Variants in LRRC69 observed in about 807,000 individuals in gnomAD.
The protein encoded by LRRC69 is leucine-rich repeat-containing protein 69.
A neutral mutation model predicts 37.8 loss-of-function variants in LRRC69; 42 were observed. The ratio of observed to expected loss-of-function variants is 1.11; its 90% CI spans 0.87 to 1.44. LRRC69 has a LOEUF of 1.44. LRRC69 is among the 40% of genes most tolerant of loss of function. The pLI, the probability that LRRC69 is intolerant of heterozygous loss-of-function variation, is 0.00. For missense variants in LRRC69, 357 were observed against 401.9 expected (o/e 0.89, Z 0.96); for synonymous variants, 141 against 143.1 (o/e 0.99, Z 0.11).
At chr8:91,216,706 A>T (rs1810054283) in intron 7 of LRRC69, among the ~76,000 whole-genome samples, 2 of 152,126 alleles carry the variant, frequency 1.3e-5, no homozygotes, top group Non-Finnish European at 1.5e-5. Flanking sequence ...TTCATCACTT[A>T]ATCATTATAA....
At chr8:91,196,532 G>T (rs947527776) in intron 6 of LRRC69, among the ~76,000 whole-genome samples, 3 of 152,066 alleles carry the variant, frequency 2.0e-5, no homozygotes, top group African/African-American at 7.2e-5. Context: ...TTCTTGGAGG[G>T]TTTGCTCATT....
At chr8:91,128,390 A>G (rs1367116067) in intron 3 of LRRC69, among the ~76,000 whole-genome samples, 1 of 152,112 alleles carries the variant, frequency 6.6e-6, no homozygotes, top group Non-Finnish European at 1.5e-5. Context: ...AATATGTTAG[A>G]AAGATGAAAG....
intron 1 of LRRC69, among the ~76,000 whole-genome samples, chr8:91,115,253 TG>T (rs1271408180): frequency 2.2e-4 from 34 of 151,874 alleles, no homozygotes; most frequent in African/African-American, 8.2e-4. Flanking sequence ...GATAAATGGG[TG>T]GAGAAAGCTG....
chr8:91,135,651 T>A lies in LRRC69; in HGVS notation c.580-17T>A, dbSNP rs1469876531. 2.1e-6 allele frequency: 3 copies of A among 1,407,038 alleles called. No individual in the cohort carries two copies. The highest frequency in any genetic ancestry group is 1.9e-6 in the Non-Finnish European group (2 of 1,058,192). The allele number at this position is 1,407,038 out of a possible 1,614,324, so 87.2% of individuals were successfully genotyped here. Reference sequence around the variant, plus strand: ...TATTAGATTTAAAAAATCTCTCTCTTCTGTTTTCTGACACAGGAACTTTGT... The same window carrying A: ...TATTAGATTTAAAAAATCTCTCTCTACTGTTTTCTGACACAGGAACTTTGT... On this transcript the variant is annotated splice_polypyrimidine_tract_variant and intron_variant, in intron 4 of 7. Transcript: ENST00000448384.
intron 7 of LRRC69, among the ~76,000 whole-genome samples, chr8:91,211,029 C>T (rs555627419): frequency 6.6e-6 from 1 of 152,098 alleles, no homozygotes; most frequent in East Asian, 1.9e-4. Context: ...AAAGCAGCAG[C>T]AATGAACTGA....
chr8:91,122,992 A>G (rs1203980518), intron 1 of LRRC69, among the ~76,000 whole-genome samples: 1 of 152,068 alleles, frequency 6.6e-6, no homozygotes, highest in African/African-American at 2.4e-5. Flanking sequence ...GAGGTTTTTA[A>G]ATGTGGAAGA....
At chr8:91,162,475 A>G (rs775657699) in intron 5 of LRRC69, among the ~76,000 whole-genome samples, 51 of 151,226 alleles carry the variant, frequency 3.4e-4, no homozygotes, top group Non-Finnish European at 6.2e-4. Context: ...ATATCCTCTT[A>G]CTGAATTAAT....
intron 5 of LRRC69, among the ~76,000 whole-genome samples, chr8:91,150,149 C>G (rs1808705494): frequency 6.6e-6 from 1 of 151,932 alleles, no homozygotes; most frequent in Admixed American, 6.6e-5. Context: ...GAGAGGGCAT[C>G]CCTGTCTTGT....
chr8:91,204,819 T>A (rs187594151), intron 7 of LRRC69, among the ~76,000 whole-genome samples: 1 of 152,356 alleles, frequency 6.6e-6, no homozygotes, highest in East Asian at 1.9e-4. Context: ...ATTGTGAAAC[T>A]TTCTTTCATG....
At chr8:91,188,557 A>G (rs2130608559) in intron 5 of LRRC69, among the ~76,000 whole-genome samples, 1 of 152,276 alleles carries the variant, frequency 6.6e-6, no homozygotes, top group Non-Finnish European at 1.5e-5. Context: ...TTACCAGCAT[A>G]CTACTTAAGA....
chr8:91,158,402 A>G (rs1808875645), intron 5 of LRRC69: 1 of 1,390,352 alleles, frequency 7.2e-7, no homozygotes, highest in African/African-American at 1.4e-5. Flanking sequence ...TCACCCCAAG[A>G]AAGTAAACAA....
chr8:91,116,679 C>T (rs1563594263), intron 1 of LRRC69, among the ~76,000 whole-genome samples: 1 of 151,920 alleles, frequency 6.6e-6, no homozygotes, highest in Non-Finnish European at 1.5e-5. Context: ...GAACCTAGGT[C>T]ATTTCACCAT....
intron 6 of LRRC69, among the ~76,000 whole-genome samples, chr8:91,192,699 T>C (rs927226766): frequency 1.3e-5 from 2 of 152,190 alleles, no homozygotes; most frequent in African/African-American, 4.8e-5. Context: ...GGTTGTTTGT[T>C]TTTTTCTTGT....
At chr8:91,148,801 T>A (rs1214319778) in intron 5 of LRRC69, among the ~76,000 whole-genome samples, 1 of 152,036 alleles carries the variant, frequency 6.6e-6, no homozygotes, top group Admixed American at 6.6e-5. Context: ...GTTATCTCAT[T>A]GTGGTTTTGA....
intron 7 of LRRC69, among the ~76,000 whole-genome samples, chr8:91,209,806 C>T (rs1213589020): frequency 2.0e-5 from 3 of 152,078 alleles, no homozygotes; most frequent in South Asian, 2.1e-4. Flanking sequence ...AATGAGTAAG[C>T]CAAGAAGAGG....
chr8:91,137,891 T>C (rs1808449138), intron 5 of LRRC69, among the ~76,000 whole-genome samples: 1 of 152,040 alleles, frequency 6.6e-6, no homozygotes, highest in Admixed American at 6.6e-5. Flanking sequence ...AAAATAATGG[T>C]AGAGAACATT....
chr8:91,126,921 T>C (rs1448194778), intron 2 of LRRC69, among the ~76,000 whole-genome samples, 167 bp from the exon 3 acceptor site: 1 of 151,952 alleles, frequency 6.6e-6, no homozygotes, highest in African/African-American at 2.4e-5. Context: ...TTGTGATAAA[T>C]TACTCCTTTT....
At chr8:91,218,645 GAT>G (rs1810102294) in intron 7 of LRRC69, among the ~76,000 whole-genome samples, 1 of 152,204 alleles carries the variant, frequency 6.6e-6, no homozygotes, top group South Asian at 2.1e-4. Flanking sequence ...ACTACATAAT[GAT>G]ATGTTTGAAT....
chr8:91,153,075 T>C (rs148578799), intron 5 of LRRC69, among the ~76,000 whole-genome samples: 350 of 151,356 alleles, frequency 2.3e-3, no homozygotes, highest in African/African-American at 8.1e-3. Flanking sequence ...GAGGTTGCAA[T>C]TGTAGTTTCT....
Sources: allele counts gnomAD v4.1 joint callset (sites outside exome capture counted in the v4.1 genomes callset), GRCh38; gene constraint gnomAD v4.1.1; transcripts MANE v1.5; gene names NCBI Gene and HGNC (gene_info 2026-07-23, HGNC 2026-07-21).